RAB31: variants seen among roughly 807,000 people sequenced by gnomAD.
RAB31 encodes the protein RAB31, member RAS oncogene family.
Under a neutral mutation model 25.6 loss-of-function variants are expected in RAB31, and 21 were observed. The ratio of observed to expected loss-of-function variants is 0.82; its 90% CI spans 0.58 to 1.18. RAB31 has a LOEUF of 1.18. RAB31 is among the 50% of genes most tolerant of loss of function. The pLI is 0.00. For missense variants in RAB31, 196 were observed against 250.1 expected, an observed-to-expected ratio of 0.78 and a Z score of 1.46; for synonymous variants, 87 against 84.0, an observed-to-expected ratio of 1.04 and a Z score of -0.20.
At chr18:9,730,340 G>T (rs1298300447) in intron 1 of RAB31, among the ~76,000 whole-genome samples, 1 of 149,600 alleles carries the variant, frequency 6.7e-6, no homozygotes, top group Non-Finnish European at 1.5e-5. Context: ...GGGCTGGAGT[G>T]CAGTGGCATG....
chr18:9,814,103 T>G lies in RAB31; in HGVS notation c.273+12T>G. On this transcript the variant is annotated intron_variant, in intron 4 of 6. Transcript: ENST00000578921. ...ATATTACCAAGCAGGTAAGAATGTC[T>G]CCTTCAGAATTTAGATGTCATTTAT... 1 of 1,540,596 alleles carries G rather than the reference T, an allele frequency of 6.5e-7. No individual in the cohort carries two copies. The highest frequency in any genetic ancestry group is 8.9e-7 in the Non-Finnish European group (1 of 1,124,768).
intron 2 of RAB31, among the ~76,000 whole-genome samples, chr18:9,779,019 A>G (rs1310257500): frequency 2.0e-5 from 3 of 152,192 alleles, no homozygotes; most frequent in African/African-American, 7.2e-5. Flanking sequence ...CATTGTCTTC[A>G]CATTGAGTAG....
chr18:9,756,259 C>T (rs138293522), intron 1 of RAB31, among the ~76,000 whole-genome samples: 21 of 152,278 alleles, frequency 1.4e-4, no homozygotes, highest in Admixed American at 3.3e-4. Flanking sequence ...GAGTATAAGA[C>T]AATTCCTAAT....
chr18:9,859,438 C>A lies in RAB31; in HGVS notation c.*113C>A. On this transcript the variant is annotated 3_prime_UTR_variant, in exon 7 of 7. Transcript: ENST00000578921. ...CCTCACTTTGAGAAGAGTGAGCACA[C>A]TGGCTTTGCATCCTGGAAGACCTGC... is the stretch of plus-strand genomic sequence containing the variant. 1.1e-6 allele frequency: 1 copy of A among 877,254 alleles called. No individual in the cohort carries two copies. 54.3% of individuals were successfully genotyped at this position (877,254 alleles called of 1,614,324 possible). A position where few individuals can be genotyped will look rare whatever the true frequency, so the allele number is the denominator to read the frequency against.
chr18:9,724,600 T>C (rs1009417504), intron 1 of RAB31, among the ~76,000 whole-genome samples: 1 of 152,242 alleles, frequency 6.6e-6, no homozygotes, highest in Non-Finnish European at 1.5e-5. Context: ...TTGTAATTGC[T>C]TCTGCTGTGA....
intron 5 of RAB31, chr18:9,830,213 A>G (rs1455191727): frequency 6.6e-6 from 1 of 152,000 alleles, no homozygotes; most frequent in East Asian, 1.9e-4. Flanking sequence ...GGGTGTTGCT[A>G]TATTGCCAAG....
intron 5 of RAB31, among the ~76,000 whole-genome samples, chr18:9,824,873 C>T (rs1286572468): frequency 6.6e-6 from 1 of 152,208 alleles, no homozygotes; most frequent in Non-Finnish European, 1.5e-5. Context: ...TGTATGGTCC[C>T]TCTGAATTTG....
intron 5 of RAB31, among the ~76,000 whole-genome samples, chr18:9,819,923 C>T (rs958805601): frequency 1.3e-5 from 2 of 151,850 alleles, no homozygotes; most frequent in Non-Finnish European, 2.9e-5. Context: ...CTATAACTTT[C>T]CTGAACTCAT....
chr18:9,732,254 G>A (rs1276954491), intron 1 of RAB31, among the ~76,000 whole-genome samples: 1 of 152,174 alleles, frequency 6.6e-6, no homozygotes, highest in Non-Finnish European at 1.5e-5. Context: ...AGGCAACAAG[G>A]AGAGGGCCGG....
At chr18:9,854,222 C>T (rs1336261373) in intron 6 of RAB31, among the ~76,000 whole-genome samples, 5 of 151,748 alleles carry the variant, frequency 3.3e-5, no homozygotes, top group East Asian at 1.9e-4. Context: ...AGTGAGAACA[C>T]GTGGTGTTTG....
chr18:9,714,075 C>G (rs1409427163), intron 1 of RAB31, among the ~76,000 whole-genome samples: 1 of 152,210 alleles, frequency 6.6e-6, no homozygotes, highest in Non-Finnish European at 1.5e-5. Flanking sequence ...CATGTGGCCT[C>G]TACTTTTGCC....
At chr18:9,828,275 C>T (rs922156882) in intron 5 of RAB31, among the ~76,000 whole-genome samples, 11 of 152,082 alleles carry the variant, frequency 7.2e-5, no homozygotes, top group Admixed American at 3.9e-4. Flanking sequence ...GGATGGTGCC[C>T]GCCTCGGCTT....
At chr18:9,774,965 T>G in intron 1 of RAB31, 2 of 525,512 alleles carry the variant, frequency 3.8e-6, no homozygotes, top group Non-Finnish European at 7.4e-6. Context: ...TCTAGAGCCC[T>G]CCCAAGATTT....
At chr18:9,808,036 T>C (rs2068551155) in intron 3 of RAB31, among the ~76,000 whole-genome samples, 1 of 152,142 alleles carries the variant, frequency 6.6e-6, no homozygotes, top group African/African-American at 2.4e-5. Context: ...TGGAAAGATG[T>C]TTGGATTTGT....
intron 5 of RAB31, among the ~76,000 whole-genome samples, chr18:9,824,282 ATG>A (rs201823356): frequency 0.017 from 2,335 of 140,842 alleles, 48 homozygotes; most frequent in East Asian, 0.11. Flanking sequence ...GTGTATGTAG[ATG>A]TGTGTGTATG....
intron 5 of RAB31, among the ~76,000 whole-genome samples, chr18:9,836,297 A>G (rs970250155): frequency 6.6e-6 from 1 of 152,186 alleles, no homozygotes; most frequent in African/African-American, 2.4e-5. Flanking sequence ...TTTCTGTTAC[A>G]GTATTTTAGA....
chr18:9,807,456 A>G (rs2068547719), intron 3 of RAB31, among the ~76,000 whole-genome samples: 1 of 152,168 alleles, frequency 6.6e-6, no homozygotes, highest in Non-Finnish European at 1.5e-5. Context: ...GCTGTGTATG[A>G]TGCGAATAGA....
At chr18:9,855,495 A>G (rs570785140) in intron 6 of RAB31, among the ~76,000 whole-genome samples, 2 of 152,266 alleles carry the variant, frequency 1.3e-5, no homozygotes, top group Admixed American at 1.3e-4. Flanking sequence ...CAGAGTTCCA[A>G]GGTGATCACC....
chr18:9,814,881 CTGATA>C (rs1196493274), intron 4 of RAB31: 4 of 336,850 alleles, frequency 1.2e-5, no homozygotes, highest in African/African-American at 2.1e-5. Context: ...AGAAAAATCA[CTGATA>C]TGATTTTCTT....
Sources: gnomAD v4.1 joint callset for allele counts (sites outside exome capture counted in the v4.1 genomes callset) on GRCh38, gnomAD v4.1.1 for gene constraint, MANE v1.5 for transcripts, NCBI Gene and HGNC (gene_info 2026-07-23, HGNC 2026-07-21) for gene names.